HDAC9: variants seen among roughly 807,000 people sequenced by gnomAD.
HDAC9 encodes MEF-2 interacting transcription repressor (MITR) protein.
In HDAC9, 41 loss-of-function variants were observed where a neutral mutation model predicts 139.4. The ratio of observed to expected loss-of-function variants is 0.29; its 90% CI spans 0.23 to 0.38. HDAC9 has a LOEUF of 0.38. Among genes scored for constraint, HDAC9 ranks in the 10% least tolerant of loss-of-function variants. The pLI is 1.00. For missense variants in HDAC9, 1,147 were observed against 1,297.0 expected (o/e 0.88, Z 1.78); for synonymous variants, 517 against 476.2 (o/e 1.09, Z -1.12).
intron 2 of HDAC9, among the ~76,000 whole-genome samples, chr7:18,530,835 A>C (rs1808673968): frequency 6.7e-6 from 1 of 150,276 alleles, no homozygotes; most frequent in African/African-American, 2.4e-5. Flanking sequence ...CATATATGTA[A>C]CACTTATAAA....
At chr7:18,418,990 A>C (rs936503950) in intron 1 of HDAC9, among the ~76,000 whole-genome samples, 12 of 152,290 alleles carry the variant, frequency 7.9e-5, no homozygotes, top group African/African-American at 2.9e-4. Flanking sequence ...TGCCCTGTAC[A>C]ACTCATAGAA....
chr7:18,621,428 T>G (rs801531), intron 6 of HDAC9, among the ~76,000 whole-genome samples: 134,087 of 151,906 alleles, frequency 0.88, 59,265 homozygotes, highest in South Asian at 0.96. Context: ...TGTAAATTGA[T>G]TAACATTTAC....
intron 15 of HDAC9, 72 bp from the exon 16 acceptor site, chr7:18,767,034 A>G (rs1789887504): frequency 1.5e-6 from 1 of 682,158 alleles, no homozygotes; most frequent in Non-Finnish European, 2.4e-6. Flanking sequence ...ATTATGTGTT[A>G]ATAAATGCCA....
chr7:18,268,001 A>T (rs1796107241), intron 2 of HDAC9, among the ~76,000 whole-genome samples: 1 of 152,174 alleles, frequency 6.6e-6, no homozygotes, highest in Admixed American at 6.5e-5. Context: ...TACTTGATAG[A>T]ATGCTGAGCA....
chr7:18,656,925 T>G lies in HDAC9; in HGVS notation c.1467+8242T>G, dbSNP rs548751919. 5.3e-5 allele frequency among the ~76,000 whole-genome samples: 8 copies of G among 152,160 alleles called. No homozygotes were observed. The East Asian group carries it at 9.7e-4, about 18-fold the overall frequency. On this transcript the variant is annotated intron_variant, in intron 11 of 25. Coordinates refer to ENST00000686413, the MANE Select transcript of HDAC9 (RefSeq NM_178425.4). Reference sequence around the variant, plus strand: ...CCAACAGCGTACGACGGTTCCCCTTTCTCCACGTGCTCACCTGCATTCATT... The same window carrying G: ...CCAACAGCGTACGACGGTTCCCCTTGCTCCACGTGCTCACCTGCATTCATT...
At chr7:18,830,844 G>A (rs1294438510) in intron 19 of HDAC9, among the ~76,000 whole-genome samples, 5 of 152,138 alleles carry the variant, frequency 3.3e-5, no homozygotes, top group Non-Finnish European at 7.3e-5. Flanking sequence ...TACTACAGCA[G>A]CAAGATGTTA....
chr7:18,623,422 ACTT>A (rs1343529115), intron 6 of HDAC9, among the ~76,000 whole-genome samples: 3 of 152,118 alleles, frequency 2.0e-5, no homozygotes, highest in Non-Finnish European at 4.4e-5. Context: ...CTCTCTCTCT[ACTT>A]ATTTTTTATT....
intron 1 of HDAC9, among the ~76,000 whole-genome samples, chr7:18,093,024 G>C (rs913223548): frequency 6.6e-6 from 1 of 152,174 alleles, no homozygotes; most frequent in African/African-American, 2.4e-5. Flanking sequence ...TTTATAGAAA[G>C]GAGTAGAGCT....
In HDAC9 at chr7:18,647,830, C is replaced by T; in HGVS notation, c.1081C>T (p.Leu361Phe). The change falls in exon 10 of 26, where the codon CTT (leucine) becomes TTT (phenylalanine). Residue 361 changes from leucine (L) to phenylalanine (F), a missense_variant. This residue lies in a region of HDAC9 where 264 missense variants were observed against 273.8 expected (regional missense o/e 0.96). Coordinates refer to ENST00000686413, the MANE Select transcript of HDAC9 (RefSeq NM_178425.4). ...KEKQKCETQTLRQGVPLPGQY... is the reference protein window; with the variant it reads ...KEKQKCETQTFRQGVPLPGQY... ...AAAGCAGAAGTGTGAGACGCAGACG[C>T]TTAGGCAAGGTGTTCCTCTGCCTGG... 2 of 1,612,294 alleles carry T rather than the reference C, an allele frequency of 1.2e-6. No individual in the cohort carries two copies. Among genetic ancestry groups the T allele is most frequent in the Non-Finnish European group, 1.7e-6 (2 of 1,179,152 alleles).
chr7:18,372,665 T>A (rs945448284), intron 1 of HDAC9, among the ~76,000 whole-genome samples: 3 of 152,210 alleles, frequency 2.0e-5, no homozygotes, highest in African/African-American at 7.2e-5. Context: ...ACAGTGTCCC[T>A]AGGATTATAA....
chr7:18,577,733 A>G (rs1159355565), intron 2 of HDAC9, among the ~76,000 whole-genome samples: 1 of 152,172 alleles, frequency 6.6e-6, no homozygotes, highest in African/African-American at 2.4e-5. Context: ...GGCAAGAAAC[A>G]TAGTGTAAAA....
At chr7:18,943,277 C>G (rs1281270451) in intron 23 of HDAC9, among the ~76,000 whole-genome samples, 1 of 152,084 alleles carries the variant, frequency 6.6e-6, no homozygotes, top group African/African-American at 2.4e-5. Flanking sequence ...ATTTTCCTAA[C>G]TCTACTGTGT....
At position 19,000,472 on chromosome 7, in the gene HDAC9, C is replaced by G. The variant is rs933050900; in HGVS notation, c.*4410C>G. ...AGTGAACGTGGTATACTCACACATGCTATACTCATACTACATAACTTAGTT... is the reference window on the plus strand; with the variant it reads ...AGTGAACGTGGTATACTCACACATGGTATACTCATACTACATAACTTAGTT... On this transcript the variant is annotated 3_prime_UTR_variant, in exon 26 of 26. Transcript: ENST00000686413. The G allele has an allele frequency of 6.6e-6, 1 of 152,210 alleles. No homozygotes were observed. Among genetic ancestry groups the G allele is most frequent in the Admixed American group, 6.5e-5 (1 of 15,284 alleles). 9.4% of individuals were successfully genotyped at this position (152,210 alleles called of 1,614,324 possible).
chr7:18,307,145 T>TGTGTGTGTGTGTG (rs1585098508), intron 1 of HDAC9, among the ~76,000 whole-genome samples: 4 of 92,330 alleles, frequency 4.3e-5, no homozygotes, highest in South Asian at 7.4e-4. Context: ...GTGTGTGTGT[T>TGTGTGTGTGTGTG]TGTATAGGAG....
At chr7:18,633,021 T>A (rs1782811829) in intron 7 of HDAC9, among the ~76,000 whole-genome samples, 1 of 152,046 alleles carries the variant, frequency 6.6e-6, no homozygotes, top group African/African-American at 2.4e-5. Flanking sequence ...TTCAGAGGAA[T>A]TTGGGCTGGA....
At chr7:18,357,282 A>G (rs554795006) in intron 1 of HDAC9, among the ~76,000 whole-genome samples, 1 of 152,306 alleles carries the variant, frequency 6.6e-6, no homozygotes, top group East Asian at 1.9e-4. Context: ...GTATTAAGAA[A>G]CAATGAGAAA....
chr7:18,973,943 C>T (rs967491686), intron 24 of HDAC9, among the ~76,000 whole-genome samples: 1 of 152,182 alleles, frequency 6.6e-6, no homozygotes. Flanking sequence ...TATACCTTGT[C>T]TGCCTAAAAT....
intron 1 of HDAC9, among the ~76,000 whole-genome samples, chr7:18,370,483 A>C (rs370700071): frequency 6.6e-6 from 1 of 152,260 alleles, no homozygotes; most frequent in Non-Finnish European, 1.5e-5. Context: ...CATGTAGTTA[A>C]AACTTCACTC....
At chr7:18,898,684 A>C (rs1454718872) in intron 22 of HDAC9, among the ~76,000 whole-genome samples, 1 of 151,926 alleles carries the variant, frequency 6.6e-6, no homozygotes, top group Non-Finnish European at 1.5e-5. Context: ...CAGTCTGCTT[A>C]TGTTGGAATT....
Sources: gnomAD v4.1 joint callset for allele counts (sites outside exome capture counted in the v4.1 genomes callset) on GRCh38, gnomAD v4.1.1 for gene constraint, gnomAD v4.1.1 regional missense constraint, MANE v1.5 for transcripts, NCBI Gene and HGNC (gene_info 2026-07-23, HGNC 2026-07-21) for gene names.